The following CCR5AS variants were observed in gnomAD, a reference collection of about 807,000 sequenced individuals.
CCR5AS encodes the protein CCR5 antisense RNA.
rs374495269 is a variant in CCR5AS at position 46,373,741 on chromosome 3, A to C, written n.392-2324T>G. ...TCTAACAGGTTGGACCAAGCTATGCAGGTGACAGAGACTCTTGGGATGACG... is the reference window on the plus strand; with the variant it reads ...TCTAACAGGTTGGACCAAGCTATGCCGGTGACAGAGACTCTTGGGATGACG... On this transcript the variant is annotated intron_variant and non_coding_transcript_variant, in intron 2 of 3. Coordinates refer to ENST00000451485, the Ensembl canonical transcript of CCR5AS. The C allele has an allele frequency of 1.7e-5, 27 of 1,613,820 alleles. No individual in the cohort carries two copies. The Middle Eastern group carries it at 1.2e-3, about 69-fold the overall frequency.
chr3:46,379,114 G>A (rs938414680), intron 2 of CCR5AS, among the ~76,000 whole-genome samples: 3 of 148,882 alleles, frequency 2.0e-5, no homozygotes, highest in Non-Finnish European at 4.4e-5. Flanking sequence ...CTGGTGCGCT[G>A]CACCCACTAA....
At chr3:46,374,414 A>G (rs1382939286) in intron 2 of CCR5AS, 2 of 168,278 alleles carry the variant, frequency 1.2e-5, no homozygotes, top group African/African-American at 4.8e-5. Flanking sequence ...TTGTCTTGCT[A>G]TGGGGAGAAA....
chr3:46,396,257 T>C (rs1486929299), intron 1 of CCR5AS, among the ~76,000 whole-genome samples: 1 of 151,846 alleles, frequency 6.6e-6, no homozygotes, highest in Non-Finnish European at 1.5e-5. Context: ...CGACTGACCC[T>C]GTGAAAACTG....
At chr3:46,387,106 T>C (rs1701868689) in intron 2 of CCR5AS, among the ~76,000 whole-genome samples, 1 of 152,148 alleles carries the variant, frequency 6.6e-6, no homozygotes, top group Non-Finnish European at 1.5e-5. Flanking sequence ...AAAAGAGCTT[T>C]CTTCAAGGAC....
exon 4 of CCR5AS, among the ~76,000 whole-genome samples, chr3:46,364,634 C>CTA (rs3054358): frequency 0.077 from 11,496 of 149,282 alleles, 1,050 homozygotes; most frequent in African/African-American, 0.22. Flanking sequence ...TAAGAAATAG[C>CTA]TATATATATA....
intron 3 of CCR5AS, among the ~76,000 whole-genome samples, chr3:46,365,214 C>T (rs1031539611): frequency 2.6e-5 from 4 of 152,124 alleles, no homozygotes; most frequent in African/African-American, 9.7e-5. Context: ...AGGGAAGAGT[C>T]GACCAAGGTG....
intron 1 of CCR5AS, among the ~76,000 whole-genome samples, chr3:46,401,308 A>T (rs866226591): frequency 2.6e-5 from 4 of 152,184 alleles, no homozygotes; most frequent in African/African-American, 9.7e-5. Flanking sequence ...AGGACTCAAG[A>T]CTCTAGAAAA....
At chr3:46,406,746 C>T (rs554049962) in intron 1 of CCR5AS, among the ~76,000 whole-genome samples, 1 of 152,304 alleles carries the variant, frequency 6.6e-6, no homozygotes, top group East Asian at 1.9e-4. Flanking sequence ...GCCCTATGCT[C>T]ACTGCCGCTG....
At chr3:46,372,200 T>C (rs1179229790) in intron 2 of CCR5AS, among the ~76,000 whole-genome samples, 1 of 152,140 alleles carries the variant, frequency 6.6e-6, no homozygotes, top group Admixed American at 6.5e-5. Context: ...TAGTGCATGT[T>C]CTTTGTGGGC....
chr3:46,395,065 C>A (rs17842822), intron 1 of CCR5AS, among the ~76,000 whole-genome samples: 7,739 of 152,132 alleles, frequency 0.051, 630 homozygotes, highest in African/African-American at 0.17. Context: ...ATAGCAGAGG[C>A]CTCTTCCAAG....
chr3:46,406,605 A>G (rs1044394910), intron 1 of CCR5AS, among the ~76,000 whole-genome samples: 1 of 152,048 alleles, frequency 6.6e-6, no homozygotes, highest in Admixed American at 6.6e-5. Context: ...CCTCTGTGTC[A>G]TCACCACGGG....
intron 2 of CCR5AS, among the ~76,000 whole-genome samples, chr3:46,379,213 TTCC>T (rs2106759028): frequency 1.7e-5 from 2 of 120,426 alleles, no homozygotes; most frequent in East Asian, 2.6e-4. Context: ...GATATTCCCC[TTCC>T]TATGTCCATG....
intron 2 of CCR5AS, among the ~76,000 whole-genome samples, chr3:46,387,519 C>T (rs368216097): frequency 2.0e-5 from 3 of 152,266 alleles, no homozygotes; most frequent in East Asian, 3.9e-4. Flanking sequence ...GTGCTAGAGG[C>T]AAGTGGATTG....
chr3:46,379,527 G>A (rs1489170763), intron 2 of CCR5AS, among the ~76,000 whole-genome samples: 2 of 152,154 alleles, frequency 1.3e-5, no homozygotes. Context: ...CAATTAACAA[G>A]AGCGAGGTCA....
chr3:46,372,117 G>A (rs540826595), intron 2 of CCR5AS, among the ~76,000 whole-genome samples: 1 of 152,312 alleles, frequency 6.6e-6, no homozygotes, highest in African/African-American at 2.4e-5. Flanking sequence ...GAATGAATGG[G>A]TATGATGCTT....
At position 46,391,118 on chromosome 3, in the gene CCR5AS, T is replaced by C. The variant is rs189606623; in HGVS notation, n.391+1707A>G. Reference sequence around the variant, plus strand: ...GCTCTGGGAGTGGTTGCCAGGCAAGTTGAACAGTCTGATTTCCAGTGGGGT... The same window carrying C: ...GCTCTGGGAGTGGTTGCCAGGCAAGCTGAACAGTCTGATTTCCAGTGGGGT... On this transcript the variant is annotated intron_variant and non_coding_transcript_variant, in intron 2 of 3. Coordinates refer to ENST00000451485, the Ensembl canonical transcript of CCR5AS. Among the ~76,000 whole-genome samples the C allele has an allele frequency of 7.9e-3, 1,210 of 152,280 alleles. 14 individuals are homozygous for C. Among genetic ancestry groups the C allele is most frequent in the Non-Finnish European group, 1.0e-2 (677 of 68,022 alleles).
Position 46,372,979 on chromosome 3 carries a change from A to G in CCR5AS, n.392-1562T>C, listed in dbSNP as rs189601230. ...GAGCCCTGCCAAAAAATCAATGTGA[A>G]GCAAATCGCAGCCCGCCTCCTGCCT... is the stretch of plus-strand genomic sequence containing the variant. On this transcript the variant is annotated intron_variant and non_coding_transcript_variant, in intron 2 of 3. Coordinates refer to ENST00000451485, the Ensembl canonical transcript of CCR5AS. 106 of 1,613,762 alleles carry G rather than the reference A, an allele frequency of 6.6e-5. No homozygotes were observed. In the East Asian group the frequency reaches 1.9e-3, roughly 29 times the overall value.
intron 2 of CCR5AS, chr3:46,373,441 C>G (rs746214124): frequency 1.9e-6 from 3 of 1,604,556 alleles, no homozygotes; most frequent in Non-Finnish European, 2.6e-6. Flanking sequence ...ACCTGCAGCT[C>G]TCATTTTCCA....
At chr3:46,402,811 T>C (rs1343030143) in intron 1 of CCR5AS, among the ~76,000 whole-genome samples, 1 of 152,124 alleles carries the variant, frequency 6.6e-6, no homozygotes, top group Non-Finnish European at 1.5e-5. Context: ...GTCATGAGGG[T>C]TTGTTGTACA....
Sources: gnomAD v4.1 joint callset for allele counts (sites outside exome capture counted in the v4.1 genomes callset) on GRCh38, gnomAD v4.1.1 for gene constraint, MANE v1.5 for transcripts, NCBI Gene and HGNC (gene_info 2026-07-23, HGNC 2026-07-21) for gene names.